NCALD: variants seen among roughly 807,000 people sequenced by gnomAD.
The protein encoded by NCALD is neurocalcin delta.
A neutral mutation model predicts 18.6 loss-of-function variants in NCALD; 10 were observed. The ratio of observed to expected loss-of-function variants is 0.54; its 90% CI spans 0.33 to 0.91. The LOEUF is 0.91. Among genes scored for constraint, NCALD ranks in the 40% least tolerant of loss-of-function variants. The probability of loss-of-function intolerance (pLI) is 0.03; values close to 1 mark genes in which losing one functional copy is unlikely to be tolerated. For synonymous variants in NCALD, 88 were observed against 87.4 expected, an observed-to-expected ratio of 1.01 and a Z score of -0.04; for missense variants, 184 against 247.6, an observed-to-expected ratio of 0.74 and a Z score of 1.72.
intron 4 of NCALD, among the ~76,000 whole-genome samples, chr8:101,851,913 A>T (rs1218215869): frequency 6.6e-6 from 1 of 152,184 alleles, no homozygotes; most frequent in African/African-American, 2.4e-5. Context: ...TGATTAAGTC[A>T]TGAGGGCTCT....
chr8:101,983,547 T>C, intron 2 of NCALD, among the ~76,000 whole-genome samples: 1 of 152,114 alleles, frequency 6.6e-6, no homozygotes, highest in Non-Finnish European at 1.5e-5. Context: ...GCCTCCATGA[T>C]GAGCTTGTCT....
chr8:102,050,217 G>C (rs1304516926), intron 1 of NCALD, among the ~76,000 whole-genome samples: 2 of 130,940 alleles, frequency 1.5e-5, no homozygotes, highest in Non-Finnish European at 3.2e-5. Flanking sequence ...TCTAATCATT[G>C]AGTTCTAAAA....
At chr8:101,824,247 C>T (rs1813839454) in intron 4 of NCALD, among the ~76,000 whole-genome samples, 1 of 152,112 alleles carries the variant, frequency 6.6e-6, no homozygotes, top group Non-Finnish European at 1.5e-5. Context: ...GCTTCCTATC[C>T]ATCGAGCCCT....
intron 1 of NCALD, among the ~76,000 whole-genome samples, chr8:102,061,143 A>G (rs1287741594): frequency 6.6e-6 from 1 of 152,224 alleles, no homozygotes; most frequent in Non-Finnish European, 1.5e-5. Flanking sequence ...AATCCCATCC[A>G]GAAGATTACA....
rs1409209930 is a variant in NCALD, at chr8:101,894,220, G to T, written c.-106-6993C>A. ...AGGATTAAGAATCTCACTCAAAGCCGCTCAACTACATGGAAACTGAACAAC... is the reference window on the plus strand; with the variant it reads ...AGGATTAAGAATCTCACTCAAAGCCTCTCAACTACATGGAAACTGAACAAC... On this transcript the variant is annotated intron_variant, in intron 3 of 6. Coordinates refer to the NCALD transcript ENST00000311028. 2.4e-5 allele frequency among the ~76,000 whole-genome samples: 3 copies of T among 126,882 alleles called. No homozygotes were observed. The South Asian group carries it at 7.8e-4, about 33-fold the overall frequency. The allele number at this position is 126,882 out of a possible 152,430, so 83.2% of individuals were successfully genotyped here. A position where few individuals can be genotyped will look rare whatever the true frequency, so the allele number is the denominator to read the frequency against.
In NCALD at chr8:101,920,615, A is replaced by G. The variant is rs151097565; in HGVS notation, c.-156-4757T>C. Among the ~76,000 whole-genome samples the G allele has an allele frequency of 2.6e-5, 4 of 152,326 alleles. No homozygotes were observed. The East Asian group carries it at 7.7e-4, about 29-fold the overall frequency. On this transcript the variant is annotated intron_variant, in intron 2 of 6. Coordinates refer to the NCALD transcript ENST00000311028. ...AGCTGGAGTCCATTATTCTAAGTGA[A>G]TTAATACAGGAGCAGAAAACCAAAT... is the stretch of plus-strand genomic sequence containing the variant.
intron 4 of NCALD, among the ~76,000 whole-genome samples, chr8:101,874,044 T>A (rs1816127179): frequency 6.6e-6 from 1 of 152,220 alleles, no homozygotes; most frequent in South Asian, 2.1e-4. Flanking sequence ...ACATGATTCC[T>A]TCTAAATCTT....
At chr8:102,083,658 T>C (rs1824635014) in intron 1 of NCALD, among the ~76,000 whole-genome samples, 1 of 152,238 alleles carries the variant, frequency 6.6e-6, no homozygotes, top group African/African-American at 2.4e-5. Context: ...GTAGGCACTC[T>C]CAACTCTTTT....
At chr8:101,754,256 A>G (rs1210739353) in intron 1 of NCALD, among the ~76,000 whole-genome samples, 6 of 152,090 alleles carry the variant, frequency 3.9e-5, no homozygotes, top group Non-Finnish European at 8.8e-5. Flanking sequence ...TATGTTGGAA[A>G]CTGTTGGATG....
chr8:101,812,912 A>G (rs891798358), intron 4 of NCALD, among the ~76,000 whole-genome samples: 3 of 152,138 alleles, frequency 2.0e-5, no homozygotes, highest in African/African-American at 7.2e-5. Flanking sequence ...TACAAACACA[A>G]TCAGCACATC....
intron 2 of NCALD, among the ~76,000 whole-genome samples, chr8:101,945,378 G>A (rs937057405): frequency 6.6e-6 from 1 of 152,190 alleles, no homozygotes; most frequent in Non-Finnish European, 1.5e-5. Context: ...ATGCGGAATG[G>A]AGCAGAGAGT....
intron 1 of NCALD, among the ~76,000 whole-genome samples, chr8:102,065,703 G>A (rs1823987369): frequency 6.6e-6 from 1 of 152,138 alleles, no homozygotes; most frequent in Non-Finnish European, 1.5e-5. Context: ...TTTACTCTGG[G>A]CAAGGTGGTG....
At chr8:101,713,783 T>G (rs530010390) in intron 2 of NCALD, among the ~76,000 whole-genome samples, 1 of 152,162 alleles carries the variant, frequency 6.6e-6, no homozygotes, top group South Asian at 2.1e-4. Context: ...ATTGAGGCAA[T>G]AATTGATAGC....
At chr8:101,865,949 T>C (rs914704147) in intron 4 of NCALD, among the ~76,000 whole-genome samples, 5 of 152,190 alleles carry the variant, frequency 3.3e-5, no homozygotes, top group African/African-American at 9.7e-5. Context: ...TCTTCAGACG[T>C]ATTCAAAAGT....
At chr8:102,088,062 T>A (rs1824799508) in intron 1 of NCALD, among the ~76,000 whole-genome samples, 1 of 152,230 alleles carries the variant, frequency 6.6e-6, no homozygotes, top group Admixed American at 6.5e-5. Flanking sequence ...AATTTGTCTT[T>A]CTGTATCTTT....
At chr8:101,761,518 T>A (rs1415798038) in intron 1 of NCALD, among the ~76,000 whole-genome samples, 1 of 152,190 alleles carries the variant, frequency 6.6e-6, no homozygotes, top group African/African-American at 2.4e-5. Flanking sequence ...AGAAAATCTC[T>A]TGGATGAAAG....
chr8:101,686,780 C>T lies in NCALD; in HGVS notation c.*2529G>A. Reference sequence around the variant, plus strand: ...CTTTATTCCAGTCCCTTGAACATCACAGGCTGGTTTTATTTGGGACAGAAC... The same window carrying T: ...CTTTATTCCAGTCCCTTGAACATCATAGGCTGGTTTTATTTGGGACAGAAC... On this transcript the variant is annotated 3_prime_UTR_variant, in exon 4 of 4. Transcript: ENST00000220931. The T allele has an allele frequency of 6.5e-6, 1 of 152,790 alleles. No individual in the cohort carries two copies. Among genetic ancestry groups the T allele is most frequent in the Non-Finnish European group, 1.5e-5 (1 of 68,106 alleles). The allele number at this position is 152,790 out of a possible 1,614,324, so 9.5% of individuals were successfully genotyped here.
intron 4 of NCALD, among the ~76,000 whole-genome samples, chr8:101,827,881 G>GA (rs1469068016): frequency 6.6e-6 from 1 of 152,110 alleles, no homozygotes; most frequent in Non-Finnish European, 1.5e-5. Context: ...CAGCCACAAG[G>GA]AAATGAGTTC....
At chr8:102,036,042 A>C (rs1273472960) in intron 1 of NCALD, among the ~76,000 whole-genome samples, 1 of 152,122 alleles carries the variant, frequency 6.6e-6, no homozygotes, top group Non-Finnish European at 1.5e-5. Context: ...TAATCCCAGC[A>C]CTTTGGGAGG....
Sources: gnomAD v4.1 joint callset for allele counts (sites outside exome capture counted in the v4.1 genomes callset) on GRCh38, gnomAD v4.1.1 for gene constraint, MANE v1.5 for transcripts, NCBI Gene and HGNC (gene_info 2026-07-23, HGNC 2026-07-21) for gene names.